FHIT: variants seen among roughly 807,000 people sequenced by gnomAD.
The protein encoded by FHIT is fragile histidine triad diadenosine triphosphatase.
A neutral mutation model predicts 17.9 loss-of-function variants in FHIT; 19 were observed. The ratio of observed to expected loss-of-function variants is 1.06; its 90% CI spans 0.74 to 1.56. The LOEUF (loss-of-function observed/expected upper bound fraction) is 1.56, where lower values mean the gene tolerates loss of function less well. FHIT is among the 40% of genes most tolerant of loss of function. FHIT has a pLI of 0.00. For missense variants in FHIT, 248 were observed against 189.2 expected, an observed-to-expected ratio of 1.31 and a Z score of -1.82; for synonymous variants, 81 against 69.7, an observed-to-expected ratio of 1.16 and a Z score of -0.81.
intron 5 of FHIT, among the ~76,000 whole-genome samples, chr3:60,459,904 GC>G (rs1286518243): frequency 2.0e-5 from 3 of 152,228 alleles, no homozygotes; most frequent in African/African-American, 7.2e-5. Flanking sequence ...GCAATCTACT[GC>G]CATATCAAAC....
chr3:60,026,540 C>T (rs1318090940), intron 5 of FHIT, among the ~76,000 whole-genome samples: 1 of 152,074 alleles, frequency 6.6e-6, no homozygotes, highest in East Asian at 1.9e-4. Flanking sequence ...TTATTTCCCC[C>T]TCATAATGTA....
intron 8 of FHIT, among the ~76,000 whole-genome samples, chr3:59,775,953 C>A (rs1156780422): frequency 1.3e-5 from 2 of 152,190 alleles, no homozygotes; most frequent in Non-Finnish European, 2.9e-5. Flanking sequence ...CCATTAAAGC[C>A]TTTTTTGATT....
intron 4 of FHIT, among the ~76,000 whole-genome samples, chr3:60,583,391 T>C (rs2037809503): frequency 6.6e-6 from 1 of 151,974 alleles, no homozygotes; most frequent in Non-Finnish European, 1.5e-5. Context: ...AGCTGGATAG[T>C]AAATATTTCA....
chr3:60,340,952 A>C (rs1456410109), intron 5 of FHIT, among the ~76,000 whole-genome samples: 1 of 152,118 alleles, frequency 6.6e-6, no homozygotes, highest in Non-Finnish European at 1.5e-5. Flanking sequence ...AGCCTCCCAA[A>C]GTGCTGGATT....
At chr3:61,193,602 GA>G (rs1039359373) in intron 2 of FHIT, among the ~76,000 whole-genome samples, 20 of 151,116 alleles carry the variant, frequency 1.3e-4, no homozygotes, top group African/African-American at 4.6e-4. Flanking sequence ...AACATTTAGA[GA>G]AAAAAAAAGT....
chr3:59,911,725 G>T (rs1704887054), intron 8 of FHIT, among the ~76,000 whole-genome samples: 1 of 152,192 alleles, frequency 6.6e-6, no homozygotes, highest in South Asian at 2.1e-4. Context: ...CTTTCTCAGG[G>T]GGAGGTTTTG....
intron 3 of FHIT, among the ~76,000 whole-genome samples, chr3:60,847,410 C>T (rs534909627): frequency 3.0e-4 from 46 of 151,912 alleles, no homozygotes; most frequent in Non-Finnish European, 5.7e-4. Flanking sequence ...CCACTGCACA[C>T]AGAAGCACTT....
chr3:61,148,141 T>G (rs929002930), intron 2 of FHIT, among the ~76,000 whole-genome samples: 2 of 152,002 alleles, frequency 1.3e-5, no homozygotes, highest in Non-Finnish European at 2.9e-5. Flanking sequence ...CTTTTAATTT[T>G]TATTAATGTT....
intron 4 of FHIT, among the ~76,000 whole-genome samples, chr3:60,816,277 T>C (rs1575559866): frequency 6.6e-6 from 1 of 152,102 alleles, no homozygotes; most frequent in East Asian, 1.9e-4. Context: ...CAGTACTATG[T>C]TGAATAGGAG....
chr3:60,967,438 A>G (rs1709797181), intron 3 of FHIT, among the ~76,000 whole-genome samples: 1 of 152,232 alleles, frequency 6.6e-6, no homozygotes, highest in East Asian at 1.9e-4. Context: ...CCATGGTTTC[A>G]ATATTTACAC....
chr3:59,763,842 G>C (rs1317398905), intron 8 of FHIT, among the ~76,000 whole-genome samples: 2 of 152,222 alleles, frequency 1.3e-5, no homozygotes, highest in African/African-American at 4.8e-5. Context: ...TTCTCAGATA[G>C]AAGGTAGAAG....
At chr3:59,894,285 T>C (rs896341180) in intron 8 of FHIT, among the ~76,000 whole-genome samples, 5 of 152,138 alleles carry the variant, frequency 3.3e-5, no homozygotes, top group African/African-American at 1.2e-4. Flanking sequence ...TCTAAATACA[T>C]ATGGATGTTT....
chr3:60,763,000 C>T (rs1402948386), intron 4 of FHIT, among the ~76,000 whole-genome samples: 2 of 152,104 alleles, frequency 1.3e-5, no homozygotes, highest in Non-Finnish European at 2.9e-5. Context: ...ACCATTACAC[C>T]ATTCTAACTG....
At chr3:60,486,980 C>T (rs1039249444) in intron 5 of FHIT, among the ~76,000 whole-genome samples, 1 of 152,150 alleles carries the variant, frequency 6.6e-6, no homozygotes, top group Non-Finnish European at 1.5e-5. Context: ...TTCTAAGCAA[C>T]CCTGCCACAA....
chr3:60,366,816 A>T (rs1700123905), intron 5 of FHIT, among the ~76,000 whole-genome samples: 1 of 152,174 alleles, frequency 6.6e-6, no homozygotes, highest in African/African-American at 2.4e-5. Context: ...AAAATGGACT[A>T]AGACAATCCT....
chr3:60,911,796 A>G (rs531668883), intron 3 of FHIT, among the ~76,000 whole-genome samples: 90 of 152,202 alleles, frequency 5.9e-4, no homozygotes, highest in South Asian at 1.2e-3. Flanking sequence ...AATACCATAG[A>G]GAATGAAACA....
intron 4 of FHIT, among the ~76,000 whole-genome samples, chr3:60,821,641 A>G (rs1165619388): frequency 6.6e-6 from 1 of 152,212 alleles, no homozygotes; most frequent in African/African-American, 2.4e-5. Flanking sequence ...GGTAAGCTAC[A>G]TTTCATGGAA....
At chr3:60,634,018 T>G (rs782567255) in intron 4 of FHIT, among the ~76,000 whole-genome samples, 1 of 152,226 alleles carries the variant, frequency 6.6e-6, no homozygotes, top group African/African-American at 2.4e-5. Flanking sequence ...ACAGAGCTGC[T>G]GTACTGTAAG....
intron 2 of FHIT, among the ~76,000 whole-genome samples, chr3:61,159,946 A>T (rs1451811797): frequency 6.6e-6 from 1 of 152,212 alleles, no homozygotes; most frequent in Non-Finnish European, 1.5e-5. Flanking sequence ...CTTTGATGCC[A>T]AGTTAAAAAG....
Sources: allele counts gnomAD v4.1 joint callset (sites outside exome capture counted in the v4.1 genomes callset), GRCh38; gene constraint gnomAD v4.1.1; transcripts MANE v1.5; gene names NCBI Gene and HGNC (gene_info 2026-07-23, HGNC 2026-07-21).